Variants in ELOVL7 observed in about 807,000 individuals in gnomAD.
The protein encoded by ELOVL7 is very long chain fatty acid elongase 7.
ELOVL7 carries 27 observed loss-of-function variants against 35.7 expected under a neutral mutation model. The observed-to-expected ratio is 0.76, with a 90% confidence interval of 0.56 to 1.04. The LOEUF (loss-of-function observed/expected upper bound fraction) is 1.04. Among genes scored for constraint, ELOVL7 ranks in the 50% least tolerant of loss-of-function variants. ELOVL7 has a pLI of 0.00. For synonymous variants in ELOVL7, 113 were observed against 114.6 expected (o/e 0.99, Z 0.09); for missense variants, 327 against 340.8 (o/e 0.96, Z 0.32).
At chr5:60,775,696 T>C (rs989857538) in intron 3 of ELOVL7, among the ~76,000 whole-genome samples, 3 of 152,088 alleles carry the variant, frequency 2.0e-5, no homozygotes, top group African/African-American at 7.2e-5. Flanking sequence ...CCAACTGATA[T>C]TCAACAAAGT....
At chr5:60,774,764 C>CTTTT (rs1441731287) in intron 3 of ELOVL7, among the ~76,000 whole-genome samples, 1 of 136,724 alleles carries the variant, frequency 7.3e-6, no homozygotes, top group African/African-American at 2.7e-5. Flanking sequence ...ATAAAACTCT[C>CTTTT]TTTTTTTTTT....
At chr5:60,823,626 G>T (rs1229068459) in intron 1 of ELOVL7, among the ~76,000 whole-genome samples, 1 of 152,172 alleles carries the variant, frequency 6.6e-6, no homozygotes, top group Non-Finnish European at 1.5e-5. Flanking sequence ...TTTATAAAAC[G>T]GAGTTAGGTA....
intron 1 of ELOVL7, among the ~76,000 whole-genome samples, chr5:60,841,722 C>A (rs1282707914): frequency 6.6e-6 from 1 of 152,088 alleles, no homozygotes; most frequent in Non-Finnish European, 1.5e-5. Context: ...TATGTATGTG[C>A]TACGTTTTTC....
rs1225449225 is a variant in ELOVL7, at chr5:60,817,830, ATGTG to A, written c.-85-18604_-85-18601del. ...CATATATATGTGTGTGTGTATATAT[ATGTG>A]TGTGTGTGTGTGTGTATATATATAT... On this transcript the variant is annotated intron_variant, in intron 1 of 8. Coordinates refer to ENST00000508821, the MANE Select transcript of ELOVL7 (RefSeq NM_024930.3). Among the ~76,000 whole-genome samples, 6 of 145,222 alleles carry A rather than the reference ATGTG, an allele frequency of 4.1e-5. 1 individual carries two copies. The highest frequency in any genetic ancestry group is 1.5e-4 in the African/African-American group (6 of 39,214).
chr5:60,815,649 C>T (rs1431843873), intron 1 of ELOVL7, among the ~76,000 whole-genome samples: 2 of 152,008 alleles, frequency 1.3e-5, no homozygotes, highest in African/African-American at 2.4e-5. Flanking sequence ...CTCACTGCAA[C>T]CTCTGCCTCC....
At chr5:60,811,705 G>A (rs1356979320) in intron 1 of ELOVL7, among the ~76,000 whole-genome samples, 1 of 152,122 alleles carries the variant, frequency 6.6e-6, no homozygotes, top group Non-Finnish European at 1.5e-5. Flanking sequence ...ACCATGTGAT[G>A]CCCTGTACCA....
intron 1 of ELOVL7, among the ~76,000 whole-genome samples, chr5:60,823,680 G>A (rs1746014994): frequency 6.6e-6 from 1 of 152,174 alleles, no homozygotes; most frequent in Non-Finnish European, 1.5e-5. Flanking sequence ...TAGCTTTTCA[G>A]GGAAATGGAA....
intron 3 of ELOVL7, among the ~76,000 whole-genome samples, chr5:60,775,288 A>G (rs1742837319): frequency 6.6e-6 from 1 of 152,180 alleles, no homozygotes. Flanking sequence ...GAAGTAAAAG[A>G]TCTGTACAAG....
At chr5:60,787,277 T>C (rs767603393) in intron 3 of ELOVL7, 57 bp downstream of exon 3, 5 of 1,394,690 alleles carry the variant, frequency 3.6e-6, no homozygotes, top group Admixed American at 3.9e-5. Flanking sequence ...CTATTAAATA[T>C]GAGAATCTGA....
At chr5:60,768,653 C>T (rs1742391786) in intron 4 of ELOVL7, 1 of 455,432 alleles carries the variant, frequency 2.2e-6, no homozygotes, top group African/African-American at 2.0e-5. Context: ...GACATTCTTT[C>T]AGTCTGATGG....
intron 1 of ELOVL7, among the ~76,000 whole-genome samples, chr5:60,828,768 G>A (rs540710915): frequency 3.7e-4 from 56 of 152,162 alleles, no homozygotes; most frequent in African/African-American, 1.3e-3. Flanking sequence ...TAAGTTACTC[G>A]TATTGTTTTA....
intron 6 of ELOVL7, among the ~76,000 whole-genome samples, chr5:60,764,826 G>T (rs1409286345): frequency 1.3e-5 from 2 of 151,942 alleles, no homozygotes; most frequent in East Asian, 3.8e-4. Context: ...GGGAGAAAAA[G>T]TTGAAAAGTT....
chr5:60,757,961 T>A (rs768092631), intron 7 of ELOVL7, among the ~76,000 whole-genome samples: 4 of 152,150 alleles, frequency 2.6e-5, no homozygotes, highest in Non-Finnish European at 5.9e-5. Flanking sequence ...ATAATAGTAA[T>A]AATGTTCATA....
intron 1 of ELOVL7, among the ~76,000 whole-genome samples, chr5:60,841,672 T>A (rs951235234): frequency 1.3e-5 from 2 of 152,206 alleles, no homozygotes; most frequent in African/African-American, 4.8e-5. Flanking sequence ...GCTGAATACA[T>A]CTACTGTGTT....
chr5:60,840,414 A>G (rs1250065604), intron 1 of ELOVL7, among the ~76,000 whole-genome samples: 1 of 152,198 alleles, frequency 6.6e-6, no homozygotes, highest in African/African-American at 2.4e-5. Flanking sequence ...AAGGAATATC[A>G]GAGATTGCTG....
At chr5:60,821,391 T>C (rs563201494) in intron 1 of ELOVL7, among the ~76,000 whole-genome samples, 1 of 152,336 alleles carries the variant, frequency 6.6e-6, no homozygotes, top group South Asian at 2.1e-4. Context: ...TAGCTTCATC[T>C]CTTGCCTAAC....
chr5:60,754,894 T>A, intron 8 of ELOVL7, 61 bp from the exon 9 acceptor site: 2 of 1,429,178 alleles, frequency 1.4e-6, no homozygotes, highest in South Asian at 1.2e-5. Context: ...ATTCTTTACC[T>A]ACCTATGTTT....
At chr5:60,834,831 T>G (rs1253288252) in intron 1 of ELOVL7, among the ~76,000 whole-genome samples, 1 of 150,444 alleles carries the variant, frequency 6.6e-6, no homozygotes, top group East Asian at 1.9e-4. Flanking sequence ...AAAATTTATT[T>G]AGATACTATA....
At chr5:60,792,190 T>C (rs996185983) in intron 2 of ELOVL7, among the ~76,000 whole-genome samples, 3 of 152,082 alleles carry the variant, frequency 2.0e-5, no homozygotes, top group Admixed American at 1.3e-4. Context: ...CCAGTAACCA[T>C]AGCTTTTTGG....
Sources: allele counts gnomAD v4.1 joint callset (sites outside exome capture counted in the v4.1 genomes callset), GRCh38; gene constraint gnomAD v4.1.1; transcripts MANE v1.5; gene names NCBI Gene and HGNC (gene_info 2026-07-23, HGNC 2026-07-21).